The following TNRC6B variants were observed in gnomAD, a reference collection of about 807,000 sequenced individuals.
TNRC6B encodes trinucleotide repeat-containing gene 6B protein.
TNRC6B carries 52 observed loss-of-function variants against 203.6 expected under a neutral mutation model. The ratio of observed to expected loss-of-function variants is 0.26; its 90% confidence interval spans 0.20 to 0.32. TNRC6B has a LOEUF of 0.32. Among genes scored for constraint, TNRC6B ranks in the 10% least tolerant of loss-of-function variants. The pLI is 1.00. For missense variants in TNRC6B, 1,923 were observed against 2,286.2 expected, an observed-to-expected ratio of 0.84 and a Z score of 3.24; for synonymous variants, 838 against 845.7, an observed-to-expected ratio of 0.99 and a Z score of 0.16.
chr22:40,297,653 C>G (rs1042712886), intron 12 of TNRC6B, among the ~76,000 whole-genome samples: 2 of 152,022 alleles, frequency 1.3e-5, no homozygotes, highest in African/African-American at 2.4e-5. Flanking sequence ...AAAACCCCGT[C>G]TCTACTAAAA....
At chr22:40,089,150 A>T (rs1329177914) in intron 1 of TNRC6B, among the ~76,000 whole-genome samples, 2 of 152,232 alleles carry the variant, frequency 1.3e-5, no homozygotes, top group East Asian at 3.8e-4. Context: ...TGAGATCCAG[A>T]TTCCCAACAT....
At chr22:40,093,834 T>C (rs1314962075) in intron 1 of TNRC6B, among the ~76,000 whole-genome samples, 1 of 152,128 alleles carries the variant, frequency 6.6e-6, no homozygotes, top group Non-Finnish European at 1.5e-5. Context: ...CAAGTGGGAA[T>C]GGTTGATGGG....
intron 5 of TNRC6B, among the ~76,000 whole-genome samples, 172 bp from the exon 6 acceptor site, chr22:40,269,950 A>C (rs1463295682): frequency 6.6e-6 from 1 of 151,766 alleles, no homozygotes; most frequent in Non-Finnish European, 1.5e-5. Context: ...TTTAATGTGC[A>C]TCGGATTTTT....
intron 12 of TNRC6B, among the ~76,000 whole-genome samples, chr22:40,288,746 T>C (rs553021431): frequency 2.0e-5 from 3 of 152,074 alleles, no homozygotes; most frequent in African/African-American, 7.2e-5. Context: ...TTTCACTATG[T>C]TGGCCAGGCT....
chr22:40,316,054 G>T (rs1327379379), intron 21 of TNRC6B, 42 bp downstream of exon 21: 1 of 1,576,498 alleles, frequency 6.3e-7, no homozygotes, highest in South Asian at 1.1e-5. Flanking sequence ...GGACTTGATT[G>T]TATTAAGAGA....
chr22:40,133,966 G>A (rs1436557731), intron 3 of TNRC6B, among the ~76,000 whole-genome samples: 7 of 72,918 alleles, frequency 9.6e-5, no homozygotes, highest in African/African-American at 1.2e-4. Flanking sequence ...GCAAAGCTCC[G>A]TCTCAAAAAA....
chr22:40,153,867 T>G (rs910674977), intron 3 of TNRC6B, among the ~76,000 whole-genome samples: 2 of 151,014 alleles, frequency 1.3e-5, no homozygotes, highest in Non-Finnish European at 3.0e-5. Context: ...AATTTTAATT[T>G]TTAAATAAAA....
intron 12 of TNRC6B, among the ~76,000 whole-genome samples, chr22:40,289,091 AGGC>A (rs1450739122): frequency 3.3e-5 from 5 of 152,182 alleles, no homozygotes; most frequent in African/African-American, 4.8e-5. Flanking sequence ...CTGGGATTAC[AGGC>A]GTGAGCCACC....
chr22:40,175,795 T>G (rs950914336), upstream of TNRC6B, among the ~76,000 whole-genome samples: 3 of 152,230 alleles, frequency 2.0e-5, no homozygotes, highest in African/African-American at 7.2e-5. Context: ...GGAAGCTTGT[T>G]AAGCCACAGC....
rs932257905 is a variant in TNRC6B, at chr22:40,327,512, C to T, written c.*4271C>T. On this transcript the variant is annotated 3_prime_UTR_variant, in exon 23 of 23. Transcript: ENST00000454349. Reference sequence around the variant, plus strand: ...TGTCTTGGGCAAATAGAAGGGGTTCCTGTTGTTCTGCTCTTGTCCTTCGTC... The same window carrying T: ...TGTCTTGGGCAAATAGAAGGGGTTCTTGTTGTTCTGCTCTTGTCCTTCGTC... 3 of 152,376 alleles carry T rather than the reference C, an allele frequency of 2.0e-5. No individual in the cohort carries two copies. Among genetic ancestry groups the T allele is most frequent in the Non-Finnish European group, 4.4e-5 (3 of 68,184 alleles). The allele number at this position is 152,376 out of a possible 1,614,324, so 9.4% of individuals were successfully genotyped here. A position where few individuals can be genotyped will look rare whatever the true frequency, so the allele number is the denominator to read the frequency against.
chr22:40,169,142 T>C (rs1373615636), intron 4 of TNRC6B, among the ~76,000 whole-genome samples: 1 of 149,376 alleles, frequency 6.7e-6, no homozygotes, highest in African/African-American at 2.5e-5. Flanking sequence ...TTTTTTTTTT[T>C]TTTTTTTTGA....
intron 3 of TNRC6B, 125 bp from the exon 4 acceptor site, chr22:40,261,707 A>G (rs2146493518): frequency 3.5e-6 from 3 of 865,538 alleles, no homozygotes; most frequent in Non-Finnish European, 4.8e-6. Flanking sequence ...GCCCGAGTTC[A>G]AGACCAGCAT....
At chr22:40,207,460 C>T (rs894462117) in intron 1 of TNRC6B, among the ~76,000 whole-genome samples, 1 of 139,632 alleles carries the variant, frequency 7.2e-6, no homozygotes, top group East Asian at 2.2e-4. Context: ...ATAAAATAAA[C>T]GTAACAAGAA....
In TNRC6B at chr22:40,294,286, A is replaced by G. The variant is rs142836296; in HGVS notation, c.3709-6169A>G. Among the ~76,000 whole-genome samples the G allele has an allele frequency of 3.3e-3, 503 of 152,124 alleles. 1 individual carries two copies. Among genetic ancestry groups the G allele is most frequent in the African/African-American group, 4.6e-3 (190 of 41,520 alleles). ...AATCAGTCAATCAGTCAATCAATCAATCAATCAACCTGAGCTCAGTTCTGG... is the reference window on the plus strand; with the variant it reads ...AATCAGTCAATCAGTCAATCAATCAGTCAATCAACCTGAGCTCAGTTCTGG... On this transcript the variant is annotated intron_variant, in intron 12 of 22. Coordinates refer to ENST00000454349, the MANE Select transcript of TNRC6B (RefSeq NM_001162501.2).
Position 40,265,479 on chromosome 22 carries a change from C to A in TNRC6B, c.1249C>A (p.Arg417=), listed in dbSNP as rs201621003. Residue 417 remains arginine, a synonymous_variant, in exon 5 of 23, where the codon CGA becomes AGA. Coordinates refer to ENST00000454349, the MANE Select transcript of TNRC6B (RefSeq NM_001162501.2). ...TDAPSQSTGD[R]KTGSVGSWGA... is the part of the protein sequence containing the mutation. ...TGCCCCTTCACAAAGCACTGGAGAT[C>A]GAAAGACTGGGAGTGTTGGATCTTG... 19 of 1,613,698 alleles carry A rather than the reference C, an allele frequency of 1.2e-5. No individual in the cohort carries two copies. The South Asian group carries it at 1.8e-4, about 15-fold the overall frequency.
At chr22:40,227,937 C>T (rs1249401388) in intron 1 of TNRC6B, among the ~76,000 whole-genome samples, 1 of 152,170 alleles carries the variant, frequency 6.6e-6, no homozygotes, top group African/African-American at 2.4e-5. Context: ...ATTTTCTCTC[C>T]TGTTTAGGAG....
At chr22:40,048,796 T>C (rs2067717871) in intron 1 of TNRC6B, among the ~76,000 whole-genome samples, 2 of 152,082 alleles carry the variant, frequency 1.3e-5, no homozygotes, top group African/African-American at 4.8e-5. Context: ...ATCACGGCTT[T>C]CTCTTTTCTT....
chr22:40,145,862 A>G (rs186131456), intron 3 of TNRC6B, among the ~76,000 whole-genome samples: 30 of 151,728 alleles, frequency 2.0e-4, no homozygotes, highest in Middle Eastern at 6.8e-3. Context: ...CAGGTTTGGG[A>G]GTGAATAGGA....
chr22:40,047,169 G>C (rs147573693), intron 1 of TNRC6B, among the ~76,000 whole-genome samples: 1,915 of 152,200 alleles, frequency 0.013, 48 homozygotes, highest in African/African-American at 0.043. Flanking sequence ...TAGTCTCAAC[G>C]TCTGTCTGGT....
Sources: allele counts gnomAD v4.1 joint callset (sites outside exome capture counted in the v4.1 genomes callset), GRCh38; gene constraint gnomAD v4.1.1; transcripts MANE v1.5; gene names NCBI Gene and HGNC (gene_info 2026-07-23, HGNC 2026-07-21).